Variants in ST6GALNAC3 observed in about 807,000 individuals in gnomAD.
ST6GALNAC3 encodes the protein alpha-N-acetylgalactosaminide alpha-2,6-sialyltransferase 3.
In ST6GALNAC3, 25 loss-of-function variants were observed where a neutral mutation model predicts 32.7. The ratio of observed to expected loss-of-function variants is 0.76; its 90% CI spans 0.56 to 1.07. ST6GALNAC3 has a LOEUF of 1.07. Among genes scored for constraint, ST6GALNAC3 ranks in the 50% least tolerant of loss-of-function variants. The pLI is 0.00. For missense variants in ST6GALNAC3, 355 were observed against 382.4 expected, an observed-to-expected ratio of 0.93 and a Z score of 0.60; for synonymous variants, 129 against 133.1, an observed-to-expected ratio of 0.97 and a Z score of 0.21.
chr1:76,601,968 C>A (rs553172350), intron 3 of ST6GALNAC3, among the ~76,000 whole-genome samples: 9 of 152,184 alleles, frequency 5.9e-5, no homozygotes, highest in East Asian at 5.8e-4. Context: ...TGAATGAAAA[C>A]GTAGCAAATG....
intron 2 of ST6GALNAC3, among the ~76,000 whole-genome samples, chr1:76,397,836 C>T (rs1653093920): frequency 6.6e-6 from 1 of 152,140 alleles, no homozygotes; most frequent in African/African-American, 2.4e-5. Flanking sequence ...TGGCGATTTT[C>T]TGTATCCATG....
intron 3 of ST6GALNAC3, among the ~76,000 whole-genome samples, chr1:76,587,352 CATGGAG>C (rs1289152329): frequency 6.6e-6 from 1 of 152,166 alleles, no homozygotes; most frequent in Non-Finnish European, 1.5e-5. Context: ...GGCTGGTCCC[CATGGAG>C]ACATTACTGC....
intron 3 of ST6GALNAC3, among the ~76,000 whole-genome samples, chr1:76,545,312 T>C (rs1326936587): frequency 6.6e-6 from 1 of 152,162 alleles, no homozygotes; most frequent in Non-Finnish European, 1.5e-5. Context: ...GGGGACTACA[T>C]TGCAAATTGT....
intron 3 of ST6GALNAC3, among the ~76,000 whole-genome samples, chr1:76,463,758 C>G (rs992072116): frequency 6.6e-5 from 10 of 152,086 alleles, no homozygotes; most frequent in African/African-American, 2.2e-4. Flanking sequence ...CCTCCCAACT[C>G]ATTCTGGGCC....
chr1:76,343,230 G>A (rs1335613423), intron 2 of ST6GALNAC3, among the ~76,000 whole-genome samples: 1 of 152,076 alleles, frequency 6.6e-6, no homozygotes, highest in South Asian at 2.1e-4. Context: ...CCTACATTTT[G>A]CAGAACTGAA....
intron 3 of ST6GALNAC3, among the ~76,000 whole-genome samples, chr1:76,518,588 T>C (rs951334924): frequency 1.1e-4 from 17 of 152,288 alleles, no homozygotes; most frequent in Admixed American, 8.5e-4. Flanking sequence ...TCCAATTCTA[T>C]GTTGACATTA....
At chr1:76,518,790 C>T (rs1237928249) in intron 3 of ST6GALNAC3, among the ~76,000 whole-genome samples, 6 of 152,032 alleles carry the variant, frequency 3.9e-5, no homozygotes, top group Admixed American at 1.3e-4. Context: ...TTAGTGGGGG[C>T]GCAGTGGCTC....
chr1:76,439,479 A>C (rs1371027581), intron 3 of ST6GALNAC3, among the ~76,000 whole-genome samples: 1 of 152,188 alleles, frequency 6.6e-6, no homozygotes, highest in Non-Finnish European at 1.5e-5. Context: ...GCCTTTGGTT[A>C]TTGCTGCAGG....
intron 1 of ST6GALNAC3, among the ~76,000 whole-genome samples, chr1:76,268,516 C>T (rs965269942): frequency 6.6e-6 from 1 of 152,146 alleles, no homozygotes. Flanking sequence ...CAAAACAAGT[C>T]GGTCAAGCCA....
intron 3 of ST6GALNAC3, among the ~76,000 whole-genome samples, chr1:76,481,641 C>A (rs1174360383): frequency 6.6e-6 from 1 of 152,146 alleles, no homozygotes. Context: ...GCATTTAAGA[C>A]TTTAACAATC....
chr1:76,384,952 A>G (rs1348970455), intron 2 of ST6GALNAC3, among the ~76,000 whole-genome samples: 1 of 152,148 alleles, frequency 6.6e-6, no homozygotes, highest in Middle Eastern at 3.2e-3. Context: ...TATGCACAGC[A>G]TGCATGAATC....
intron 1 of ST6GALNAC3, among the ~76,000 whole-genome samples, chr1:76,213,958 C>G (rs1190008940): frequency 6.6e-6 from 1 of 152,120 alleles, no homozygotes; most frequent in Admixed American, 6.5e-5. Context: ...GAATGGGCCA[C>G]CTGCATCTCA....
intron 3 of ST6GALNAC3, among the ~76,000 whole-genome samples, chr1:76,534,289 C>T (rs142716322): frequency 2.5e-4 from 38 of 152,210 alleles, no homozygotes; most frequent in Non-Finnish European, 4.4e-4. Context: ...GTGATCCACC[C>T]GCCTCAACCT....
At chr1:76,099,883 A>AG (rs1279862921) in intron 1 of ST6GALNAC3, among the ~76,000 whole-genome samples, 1 of 152,194 alleles carries the variant, frequency 6.6e-6, no homozygotes, top group Non-Finnish European at 1.5e-5. Flanking sequence ...CTTCCAACCT[A>AG]GGAATATGTT....
chr1:76,364,456 G>A (rs994986704), intron 2 of ST6GALNAC3, among the ~76,000 whole-genome samples: 72 of 152,258 alleles, frequency 4.7e-4, no homozygotes, highest in African/African-American at 1.7e-3. Flanking sequence ...GAGAGGCTGA[G>A]GTAGAAGAGT....
At chr1:76,105,966 A>G (rs1000016125) in intron 1 of ST6GALNAC3, among the ~76,000 whole-genome samples, 5 of 152,208 alleles carry the variant, frequency 3.3e-5, no homozygotes, top group Admixed American at 3.3e-4. Flanking sequence ...GAAAGAGTAT[A>G]AGCTTTGGAG....
chr1:76,127,016 A>G (rs1386881862), intron 1 of ST6GALNAC3, among the ~76,000 whole-genome samples: 2 of 152,238 alleles, frequency 1.3e-5, no homozygotes, highest in East Asian at 1.9e-4. Flanking sequence ...TGATGCTAAC[A>G]AAGTTCAAAG....
intron 1 of ST6GALNAC3, among the ~76,000 whole-genome samples, chr1:76,294,988 C>T (rs1660309126): frequency 6.6e-6 from 1 of 152,006 alleles, no homozygotes; most frequent in African/African-American, 2.4e-5. Context: ...GTAATACTTC[C>T]CTGACTCTTC....
rs148557464 is a variant in ST6GALNAC3 at position 76,258,118 on chromosome 1, T to C, written c.19-55687T>C. Among the ~76,000 whole-genome samples the C allele has an allele frequency of 2.2e-3, 337 of 152,336 alleles. 1 individual carries two copies. The highest frequency in any genetic ancestry group is 0.02 in the Middle Eastern group (6 of 294). The stretch of plus-strand genomic sequence containing the variant: ...TCAGGTTTCAATACTCTAACAGATA[T>C]GTTCTCAAAGTAGAATTAGTCCTTG... On this transcript the variant is annotated intron_variant, in intron 1 of 4. Coordinates refer to ENST00000328299, the MANE Select transcript of ST6GALNAC3 (RefSeq NM_152996.4).
Sources: allele counts gnomAD v4.1 joint callset (sites outside exome capture counted in the v4.1 genomes callset), GRCh38; gene constraint gnomAD v4.1.1; transcripts MANE v1.5; gene names NCBI Gene and HGNC (gene_info 2026-07-23, HGNC 2026-07-21).